The following CEP128 variants were observed in gnomAD, a reference collection of about 807,000 sequenced individuals.
The protein encoded by CEP128 is centrosomal protein 128kDa.
Under a neutral mutation model 156.7 loss-of-function variants are expected in CEP128, and 132 were observed. The observed-to-expected ratio is 0.84, with a 90% CI of 0.73 to 0.97. The LOEUF (loss-of-function observed/expected upper bound fraction) is 0.97. Among genes scored for constraint, CEP128 ranks in the 50% least tolerant of loss-of-function variants. The pLI, the probability that CEP128 is intolerant of heterozygous loss-of-function variation, is 0.00. For synonymous variants in CEP128, 469 were observed against 448.9 expected (o/e 1.04, Z -0.57); for missense variants, 1,252 against 1,281.9 (o/e 0.98, Z 0.36).
chr14:80,806,347 C>A (rs1359280499), intron 13 of CEP128, among the ~76,000 whole-genome samples: 1 of 152,058 alleles, frequency 6.6e-6, no homozygotes, highest in Non-Finnish European at 1.5e-5. Flanking sequence ...AAAATATTAA[C>A]TTCTCTTTCA....
chr14:80,898,160 C>T (rs1368085739), intron 7 of CEP128, among the ~76,000 whole-genome samples: 1 of 152,034 alleles, frequency 6.6e-6, no homozygotes, highest in Non-Finnish European at 1.5e-5. Context: ...AGTTTGCTTC[C>T]CAGTGTACTT....
chr14:80,517,259 C>G (rs572244229), intron 23 of CEP128, among the ~76,000 whole-genome samples: 3 of 151,832 alleles, frequency 2.0e-5, no homozygotes, highest in Admixed American at 1.3e-4. Flanking sequence ...CTTGCTTTGA[C>G]TTACTTTGGG....
intron 19 of CEP128, among the ~76,000 whole-genome samples, chr14:80,685,619 C>T (rs1049240449): frequency 6.6e-6 from 1 of 152,040 alleles, no homozygotes; most frequent in Non-Finnish European, 1.5e-5. Context: ...TTCTAAAACG[C>T]ATATGGAACC....
intron 19 of CEP128, among the ~76,000 whole-genome samples, chr14:80,729,294 A>G (rs964348473): frequency 6.6e-6 from 1 of 151,956 alleles, no homozygotes; most frequent in African/African-American, 2.4e-5. Flanking sequence ...TACTTCACTT[A>G]GAATAATGGT....
At chr14:80,652,658 A>G (rs1331428473) in intron 19 of CEP128, among the ~76,000 whole-genome samples, 1 of 152,218 alleles carries the variant, frequency 6.6e-6, no homozygotes, top group East Asian at 1.9e-4. Flanking sequence ...CACACCAGGT[A>G]GAATGTCAAT....
intron 20 of CEP128, among the ~76,000 whole-genome samples, chr14:80,572,341 A>G (rs974702122): frequency 6.6e-6 from 1 of 152,206 alleles, no homozygotes; most frequent in Non-Finnish European, 1.5e-5. Context: ...TGAGTCAATG[A>G]AAATGTGTTT....
rs555828477 is a variant in CEP128 at position 80,813,047 on chromosome 14, C to T, written c.1209+18096G>A. 6.6e-5 allele frequency among the ~76,000 whole-genome samples: 10 copies of T among 152,100 alleles called. No individual in the cohort carries two copies. The East Asian group carries it at 1.4e-3, about 21-fold the overall frequency. On this transcript the variant is annotated intron_variant, in intron 13 of 24. Transcript: ENST00000555265. ...GAGAAGTGTCTTTTCATGTCCTTTG[C>T]GTATTTTTTAATGGGGTTGTTTGTT...
downstream of CEP128, among the ~76,000 whole-genome samples, chr14:80,488,984 T>G (rs868554721): frequency 0.045 from 1,615 of 35,964 alleles, 31 homozygotes; most frequent in Non-Finnish European, 0.06. Context: ...GGGACTGTTG[T>G]GGGTTGGGGG....
chr14:80,633,970 G>A (rs1380379853), intron 19 of CEP128, among the ~76,000 whole-genome samples: 1 of 152,116 alleles, frequency 6.6e-6, no homozygotes, highest in Non-Finnish European at 1.5e-5. Context: ...CATGCCTAAG[G>A]TAGGAAGTAC....
At chr14:80,573,089 A>ATTTTTTT (rs34024851) in intron 20 of CEP128, among the ~76,000 whole-genome samples, 1 of 144,818 alleles carries the variant, frequency 6.9e-6, no homozygotes. Flanking sequence ...CGCCTGACTA[A>ATTTTTTT]TTTTTTTTTT....
At chr14:80,694,781 T>C (rs1190857722) in intron 19 of CEP128, among the ~76,000 whole-genome samples, 6 of 151,890 alleles carry the variant, frequency 4.0e-5, no homozygotes, top group Middle Eastern at 3.2e-3. Context: ...GGGAGCATTA[T>C]CATAAATACC....
intron 7 of CEP128, among the ~76,000 whole-genome samples, chr14:80,899,524 A>C (rs1371628668): frequency 6.6e-6 from 1 of 152,210 alleles, no homozygotes; most frequent in African/African-American, 2.4e-5. Flanking sequence ...CTAAAAGCTA[A>C]AGTATTGGAT....
chr14:80,953,703 C>A (rs1163022592), intron 2 of CEP128, among the ~76,000 whole-genome samples: 1 of 152,190 alleles, frequency 6.6e-6, no homozygotes, highest in East Asian at 1.9e-4. Flanking sequence ...TAATAAACTA[C>A]CATGGAACCA....
chr14:80,528,714 T>C (rs962510442), intron 22 of CEP128, among the ~76,000 whole-genome samples: 4 of 152,208 alleles, frequency 2.6e-5, no homozygotes, highest in Admixed American at 1.3e-4. Context: ...AATACGTATA[T>C]AGGAACCCAG....
intron 15 of CEP128, among the ~76,000 whole-genome samples, chr14:80,780,632 TATC>T (rs10546120): frequency 0.4 from 61,027 of 151,826 alleles, 12,412 homozygotes; most frequent in Non-Finnish European, 0.43. Flanking sequence ...AAAGCTTTGT[TATC>T]ATCTCACAAC....
chr14:80,784,989 C>G lies in CEP128; in HGVS notation c.2117G>C (p.Ser706Thr), dbSNP rs775844750. The G allele has an allele frequency of 1.2e-5, 19 of 1,614,028 alleles. No homozygotes were observed. Among genetic ancestry groups the G allele is most frequent in the Non-Finnish European group, 1.5e-5 (18 of 1,180,002 alleles). Residue 706 changes from serine to threonine, a missense_variant, in exon 15 of 25, where the codon AGT (serine) becomes ACT (threonine). Transcript: ENST00000555265. ...ATTCTGTTCGTGTTTTGTTTTCACA[C>G]TCTGCAATGATGATGTGAGATCTTT... ...ELKDLTSSLQ[S>T]VKTKHEQNIQ...
chr14:80,502,157 C>T (rs774895698), intron 24 of CEP128, among the ~76,000 whole-genome samples: 2 of 152,146 alleles, frequency 1.3e-5, no homozygotes, highest in Non-Finnish European at 2.9e-5. Flanking sequence ...TGTACACTGC[C>T]GCTTCAATAA....
intron 6 of CEP128, among the ~76,000 whole-genome samples, chr14:80,490,947 G>C (rs1479006746): frequency 6.6e-6 from 1 of 152,132 alleles, no homozygotes; most frequent in Non-Finnish European, 1.5e-5. Context: ...CAAAGTTTCT[G>C]AATGGATAGG....
chr14:80,569,376 C>T (rs1324663105), intron 20 of CEP128, among the ~76,000 whole-genome samples: 1 of 152,038 alleles, frequency 6.6e-6, no homozygotes, highest in Non-Finnish European at 1.5e-5. Flanking sequence ...CAAAATCATC[C>T]CTGGAAGTAA....
Sources: allele counts gnomAD v4.1 joint callset (sites outside exome capture counted in the v4.1 genomes callset), GRCh38; gene constraint gnomAD v4.1.1; transcripts MANE v1.5; gene names NCBI Gene and HGNC (gene_info 2026-07-23, HGNC 2026-07-21).